CYTH1: variants seen among roughly 807,000 people sequenced by gnomAD.
The protein encoded by CYTH1 is cytohesin-1.
Under a neutral mutation model 61.8 loss-of-function variants are expected in CYTH1, and 18 were observed. The observed-to-expected ratio is 0.29, with a 90% CI of 0.20 to 0.43. The LOEUF (loss-of-function observed/expected upper bound fraction) is 0.43. Among genes scored for constraint, CYTH1 ranks in the 20% least tolerant of loss-of-function variants. The pLI, the probability that CYTH1 is intolerant of heterozygous loss-of-function variation, is 1.00. For synonymous variants in CYTH1, 174 were observed against 184.3 expected, an observed-to-expected ratio of 0.94 and a Z score of 0.45; for missense variants, 336 against 510.5, an observed-to-expected ratio of 0.66 and a Z score of 3.29.
At position 78,675,697 on chromosome 17, in the gene CYTH1, TATA is replaced by T. The variant is rs2092690818; in HGVS notation, c.*391_*393del. ...TCCTTTCCACCTTTTTCTCTTAACA[TATA>T]ATAATATATGGACACATGTATTTAT... On this transcript the variant is annotated 3_prime_UTR_variant, in exon 14 of 14. Transcript: ENST00000446868. 2.3e-6 allele frequency: 1 copy of T among 433,756 alleles called. No homozygotes were observed. Among genetic ancestry groups the T allele is most frequent in the Non-Finnish European group, 4.0e-6 (1 of 248,626 alleles). 26.9% of individuals were successfully genotyped at this position (433,756 alleles called of 1,614,324 possible).
intron 3 of CYTH1, among the ~76,000 whole-genome samples, chr17:78,704,394 G>A (rs1024623891): frequency 6.6e-6 from 1 of 152,078 alleles, no homozygotes; most frequent in African/African-American, 2.4e-5. Context: ...TATAATCTCC[G>A]AGAGCAAAAA....
chr17:78,701,911 C>A (rs2093014367), intron 5 of CYTH1, among the ~76,000 whole-genome samples, 160 bp from the exon 6 acceptor site: 1 of 152,194 alleles, frequency 6.6e-6, no homozygotes, highest in Admixed American at 6.5e-5. Context: ...CTGGCTAGCT[C>A]TGCTGACTGG....
chr17:78,754,007 G>A (rs900067175), intron 1 of CYTH1, among the ~76,000 whole-genome samples: 2 of 152,098 alleles, frequency 1.3e-5, no homozygotes, highest in Non-Finnish European at 1.5e-5. Context: ...GCAAACACCT[G>A]GCTGATGGCA....
intron 1 of CYTH1, among the ~76,000 whole-genome samples, chr17:78,773,115 G>A (rs1015666531): frequency 1.4e-4 from 21 of 152,172 alleles, no homozygotes; most frequent in African/African-American, 4.6e-4. Flanking sequence ...TTACAAGCAT[G>A]AGCCACCATG....
chr17:78,734,110 T>A (rs1224583609), intron 1 of CYTH1, among the ~76,000 whole-genome samples: 1 of 151,726 alleles, frequency 6.6e-6, no homozygotes, highest in Non-Finnish European at 1.5e-5. Flanking sequence ...ATTAGCCGGG[T>A]GTGGTGGCAT....
chr17:78,681,344 C>T (rs1267777754), intron 11 of CYTH1, among the ~76,000 whole-genome samples: 1 of 152,160 alleles, frequency 6.6e-6, no homozygotes, highest in Non-Finnish European at 1.5e-5. Context: ...GGGCCCCTTT[C>T]CCTCTTCCCT....
chr17:78,714,693 A>G (rs1385958076), intron 1 of CYTH1, among the ~76,000 whole-genome samples: 1 of 152,162 alleles, frequency 6.6e-6, no homozygotes, highest in Non-Finnish European at 1.5e-5. Context: ...CTCGCCCTGA[A>G]GCCAAGCCTC....
chr17:78,781,077 C>T (rs921492604), intron 1 of CYTH1, among the ~76,000 whole-genome samples: 2 of 151,156 alleles, frequency 1.3e-5, no homozygotes, highest in South Asian at 4.2e-4. Flanking sequence ...GGCATGGTGG[C>T]GTGCGTATGG....
intron 1 of CYTH1, among the ~76,000 whole-genome samples, chr17:78,762,119 T>C (rs2093431400): frequency 6.6e-6 from 1 of 152,242 alleles, no homozygotes; most frequent in African/African-American, 2.4e-5. Flanking sequence ...AGGTCCATTG[T>C]TCAGGGACAT....
At chr17:78,706,850 T>C (rs1265139769) in intron 3 of CYTH1, among the ~76,000 whole-genome samples, 1 of 152,252 alleles carries the variant, frequency 6.6e-6, no homozygotes, top group African/African-American at 2.4e-5. Flanking sequence ...ACTACACATA[T>C]GGCTTCTTTT....
chr17:78,772,417 C>T (rs1389530969), intron 1 of CYTH1, among the ~76,000 whole-genome samples: 1 of 152,090 alleles, frequency 6.6e-6, no homozygotes, highest in Admixed American at 6.5e-5. Flanking sequence ...ATCGTGAATG[C>T]AAGAAATACT....
At chr17:78,730,318 G>A (rs915505365) in intron 1 of CYTH1, among the ~76,000 whole-genome samples, 4 of 138,036 alleles carry the variant, frequency 2.9e-5, no homozygotes, top group Admixed American at 1.6e-4. Context: ...GAGGTCAGGA[G>A]ATCAACACCA....
intron 1 of CYTH1, among the ~76,000 whole-genome samples, chr17:78,758,465 GA>G (rs2093410484): frequency 6.6e-6 from 1 of 152,168 alleles, no homozygotes; most frequent in African/African-American, 2.4e-5. Context: ...AGCACTTTGG[GA>G]GGCCGAGGCA....
At chr17:78,737,921 A>C (rs1357818687) in intron 1 of CYTH1, among the ~76,000 whole-genome samples, 4 of 151,894 alleles carry the variant, frequency 2.6e-5, no homozygotes, top group Non-Finnish European at 5.9e-5. Context: ...ATGTCGTTTT[A>C]TAGCTACTTA....
At chr17:78,761,208 G>A (rs2093427351) in intron 1 of CYTH1, among the ~76,000 whole-genome samples, 1 of 152,122 alleles carries the variant, frequency 6.6e-6, no homozygotes, top group African/African-American at 2.4e-5. Context: ...GTACACAACA[G>A]CAGTTCCCCA....
chr17:78,711,335 AC>A (rs1298151764), intron 1 of CYTH1, among the ~76,000 whole-genome samples: 2 of 151,052 alleles, frequency 1.3e-5, no homozygotes, highest in Non-Finnish European at 2.9e-5. Context: ...ACACACACAC[AC>A]ACCAGACTTT....
intron 1 of CYTH1, among the ~76,000 whole-genome samples, chr17:78,722,906 C>T (rs959088755): frequency 3.3e-5 from 5 of 152,268 alleles, no homozygotes; most frequent in Non-Finnish European, 7.4e-5. Flanking sequence ...GAATCTGTCC[C>T]GCTGTTTTCT....
intron 1 of CYTH1, among the ~76,000 whole-genome samples, chr17:78,781,155 C>T (rs557569935): frequency 7.1e-4 from 106 of 149,484 alleles, no homozygotes; most frequent in African/African-American, 2.6e-3. Context: ...GGTGACAGAG[C>T]GAGATCTCGT....
At chr17:78,755,438 C>T (rs1050177916) in intron 1 of CYTH1, among the ~76,000 whole-genome samples, 1 of 137,278 alleles carries the variant, frequency 7.3e-6, no homozygotes, top group Non-Finnish European at 1.5e-5. Context: ...CAGCCTCAAA[C>T]ACATCATTCT....
Sources: allele counts gnomAD v4.1 joint callset (sites outside exome capture counted in the v4.1 genomes callset), GRCh38; gene constraint gnomAD v4.1.1; transcripts MANE v1.5; gene names NCBI Gene and HGNC (gene_info 2026-07-23, HGNC 2026-07-21).